Variants in PTPRK observed in about 807,000 individuals in gnomAD.
The protein encoded by PTPRK is receptor-type tyrosine-protein phosphatase kappa.
PTPRK carries 75 observed loss-of-function variants against 178.0 expected under a neutral mutation model. The observed-to-expected ratio is 0.42, with a 90% CI of 0.35 to 0.51. The LOEUF (loss-of-function observed/expected upper bound fraction) is 0.51, where lower values mean the gene tolerates loss of function less well. PTPRK is among the 20% of genes least tolerant of loss of function. The probability of loss-of-function intolerance (pLI) is 0.02; values close to 1 mark genes in which losing one functional copy is unlikely to be tolerated. For missense variants in PTPRK, 1,441 were observed against 1,797.8 expected, an observed-to-expected ratio of 0.80 and a Z score of 3.59; for synonymous variants, 637 against 620.6, an observed-to-expected ratio of 1.03 and a Z score of -0.39.
chr6:128,197,809 T>C (rs1446141940), intron 6 of PTPRK, among the ~76,000 whole-genome samples: 1 of 152,068 alleles, frequency 6.6e-6, no homozygotes, highest in South Asian at 2.1e-4. Context: ...TGCAATGGTC[T>C]GAAAATGCGC....
chr6:128,024,636 C>G (rs1008486676), intron 13 of PTPRK, among the ~76,000 whole-genome samples: 1 of 151,920 alleles, frequency 6.6e-6, no homozygotes, highest in South Asian at 2.1e-4. Flanking sequence ...TGGTGAAACC[C>G]CATCTCTACT....
At chr6:128,115,427 T>C (rs539817222) in intron 7 of PTPRK, among the ~76,000 whole-genome samples, 19 of 152,180 alleles carry the variant, frequency 1.2e-4, no homozygotes, top group African/African-American at 4.1e-4. Flanking sequence ...CAGACACTTA[T>C]GTAAAAATGT....
At chr6:128,407,155 T>A (rs1447172033) in intron 1 of PTPRK, among the ~76,000 whole-genome samples, 2 of 152,190 alleles carry the variant, frequency 1.3e-5, no homozygotes, top group Non-Finnish European at 1.5e-5. Flanking sequence ...ATTTAAGTCA[T>A]CATTAGTTAG....
At chr6:128,454,032 C>T (rs1260877388) in intron 1 of PTPRK, among the ~76,000 whole-genome samples, 1 of 151,986 alleles carries the variant, frequency 6.6e-6, no homozygotes, top group African/African-American at 2.4e-5. Context: ...TAAGAAAATC[C>T]CCATTTTGCA....
chr6:128,103,671 T>C (rs1789176968), intron 7 of PTPRK, among the ~76,000 whole-genome samples: 1 of 152,192 alleles, frequency 6.6e-6, no homozygotes, highest in African/African-American at 2.4e-5. Flanking sequence ...ACAATTCTTT[T>C]TTTCCCCCTG....
At chr6:128,169,012 G>A (rs965490736) in intron 7 of PTPRK, among the ~76,000 whole-genome samples, 3 of 152,024 alleles carry the variant, frequency 2.0e-5, no homozygotes, top group Middle Eastern at 3.2e-3. Context: ...CTTAAATGTG[G>A]AATCTTTTTT....
At chr6:127,971,816 T>C (rs1773934407) in intron 29 of PTPRK, among the ~76,000 whole-genome samples, 1 of 152,144 alleles carries the variant, frequency 6.6e-6, no homozygotes, top group Admixed American at 6.5e-5. Context: ...ATTTTAAGAC[T>C]TGACCTGAAA....
chr6:128,328,318 C>CCTAT (rs1195026871), intron 2 of PTPRK, among the ~76,000 whole-genome samples: 2 of 152,078 alleles, frequency 1.3e-5, no homozygotes, highest in African/African-American at 2.4e-5. Flanking sequence ...TAACTGGCAC[C>CCTAT]CTATCTAACA....
chr6:128,135,817 A>G (rs1490516966), intron 7 of PTPRK, among the ~76,000 whole-genome samples: 3 of 152,012 alleles, frequency 2.0e-5, no homozygotes, highest in African/African-American at 4.8e-5. Context: ...ATTGTGATCA[A>G]GTACTCAAAA....
chr6:128,091,954 C>T (rs897254531), intron 7 of PTPRK, among the ~76,000 whole-genome samples: 9 of 152,098 alleles, frequency 5.9e-5, no homozygotes, highest in Non-Finnish European at 1.5e-5. Flanking sequence ...TAAGAGTGGG[C>T]AAATGATTTA....
At chr6:128,122,005 A>G (rs1163193542) in intron 7 of PTPRK, among the ~76,000 whole-genome samples, 4 of 152,166 alleles carry the variant, frequency 2.6e-5, no homozygotes, top group Admixed American at 1.3e-4. Flanking sequence ...TAAGGTAATT[A>G]TATCTACCAA....
At chr6:128,398,941 A>G (rs1018738689) in intron 1 of PTPRK, among the ~76,000 whole-genome samples, 3 of 152,224 alleles carry the variant, frequency 2.0e-5, no homozygotes, top group African/African-American at 7.2e-5. Context: ...GTACAGGCAC[A>G]CACGACTCAA....
At chr6:128,079,034 A>G (rs1339808615) in intron 10 of PTPRK, 116 bp from the exon 11 acceptor site, 4 of 582,552 alleles carry the variant, frequency 6.9e-6, no homozygotes, top group Non-Finnish European at 1.2e-5. Context: ...ATTATCTACA[A>G]CGTATTTTGT....
At chr6:128,082,850 G>A in intron 9 of PTPRK, among the ~76,000 whole-genome samples, 1 of 151,706 alleles carries the variant, frequency 6.6e-6, no homozygotes, top group Non-Finnish European at 1.5e-5. Context: ...ATACACCGGA[G>A]TTATAGCTGA....
intron 1 of PTPRK, among the ~76,000 whole-genome samples, chr6:128,415,954 T>G (rs1438743522): frequency 6.6e-6 from 1 of 152,120 alleles, no homozygotes; most frequent in East Asian, 1.9e-4. Context: ...TATTTGTAGG[T>G]GACATCAGAG....
At chr6:128,300,642 T>C (rs1347842106) in intron 3 of PTPRK, among the ~76,000 whole-genome samples, 4 of 136,222 alleles carry the variant, frequency 2.9e-5, no homozygotes, top group Admixed American at 9.0e-5. Flanking sequence ...TTCTCACTCA[T>C]AGGTGGGAAC....
rs184100954 is a variant in PTPRK at position 128,103,895 on chromosome 6, T to C, written c.1163-13903A>G. On this transcript the variant is annotated intron_variant, in intron 7 of 29. Transcript: ENST00000368226. The stretch of plus-strand genomic sequence containing the variant: ...CTTCCCATCTGAATCACAGTAGGAG[T>C]GGAAGGCCAGGTCCTGCAGATGGTG... 2.4e-4 allele frequency among the ~76,000 whole-genome samples: 37 copies of C among 152,072 alleles called. 1 individual carries two copies. Among genetic ancestry groups the C allele is most frequent in the Admixed American group, 2.2e-3 (33 of 15,282 alleles).
chr6:128,009,928 T>C (rs1201631778), intron 13 of PTPRK, among the ~76,000 whole-genome samples: 1 of 151,144 alleles, frequency 6.6e-6, no homozygotes, highest in African/African-American at 2.4e-5. Flanking sequence ...AAAAACTTCT[T>C]TGTATGCCCT....
At chr6:128,189,229 CTTTTTCTTT>C (rs1339026076) in intron 6 of PTPRK, among the ~76,000 whole-genome samples, 2 of 124,760 alleles carry the variant, frequency 1.6e-5, no homozygotes, top group African/African-American at 5.9e-5. Context: ...ATATTTTACT[CTTTTTCTTT>C]TTTTTTTTTT....
Sources: allele counts gnomAD v4.1 joint callset (sites outside exome capture counted in the v4.1 genomes callset), GRCh38; gene constraint gnomAD v4.1.1; transcripts MANE v1.5; gene names NCBI Gene and HGNC (gene_info 2026-07-23, HGNC 2026-07-21).